TLK2: variants seen among roughly 807,000 people sequenced by gnomAD.
TLK2 encodes serine/threonine-protein kinase tousled-like 2.
Under a neutral mutation model 117.3 loss-of-function variants are expected in TLK2, and 6 were observed. The observed-to-expected ratio is 0.05, with a 90% confidence interval of 0.03 to 0.10. The LOEUF is 0.10. Among genes scored for constraint, TLK2 ranks in the 10% least tolerant of loss-of-function variants. The pLI, the probability that TLK2 is intolerant of heterozygous loss-of-function variation, is 1.00. For synonymous variants in TLK2, 257 were observed against 316.7 expected (o/e 0.81, Z 2.00); for missense variants, 299 against 901.2 (o/e 0.33, Z 8.56).
intron 2 of TLK2, among the ~76,000 whole-genome samples, chr17:62,498,773 G>A (rs920394859): frequency 1.3e-5 from 2 of 152,300 alleles, no homozygotes; most frequent in South Asian, 2.1e-4. Context: ...AATATTTTAT[G>A]TGGGGAAAAG....
intron 5 of TLK2, 77 bp downstream of exon 5, chr17:62,523,254 C>T: frequency 6.5e-7 from 1 of 1,538,956 alleles, no homozygotes; most frequent in African/African-American, 1.4e-5. Flanking sequence ...TTAAAAAACC[C>T]TAAATCCTTG....
At chr17:62,528,858 A>G (rs1307140644) in intron 6 of TLK2, among the ~76,000 whole-genome samples, 1 of 152,212 alleles carries the variant, frequency 6.6e-6, no homozygotes, top group Non-Finnish European at 1.5e-5. Context: ...AGTTAACTCT[A>G]TGTAATTGTT....
At chr17:62,608,486 G>A (rs2083474416) in intron 21 of TLK2, among the ~76,000 whole-genome samples, 1 of 152,044 alleles carries the variant, frequency 6.6e-6, no homozygotes, top group East Asian at 1.9e-4. Flanking sequence ...CTGTATTCAG[G>A]GATTATGATT....
At position 62,520,691 on chromosome 17, in the gene TLK2, A is replaced by AAAAAATC. The variant is rs936647843; in HGVS notation, c.82-80_82-74dup. The AAAAAATC allele has an allele frequency of 2.9e-6, 4 of 1,360,826 alleles. No homozygotes were observed. In the African/African-American group the frequency reaches 5.9e-5, roughly 20 times the overall value. 84.3% of individuals were successfully genotyped at this position (1,360,826 alleles called of 1,614,324 possible). On this transcript the variant is annotated intron_variant, in intron 2 of 21. Transcript: ENST00000346027. Reference sequence around the variant, plus strand: ...AAACTCTGTCTAAAAAAAAAAAAAAAAAAAATCATCAGGCTTCTTCTTCAG... The same window carrying AAAAAATC: ...AAACTCTGTCTAAAAAAAAAAAAAAAAAAAATCAAAAATCATCAGGCTTCTTCTTCAG...
chr17:62,493,070 C>G (rs538561127), intron 2 of TLK2, among the ~76,000 whole-genome samples: 2 of 152,218 alleles, frequency 1.3e-5, no homozygotes, highest in South Asian at 4.1e-4. Context: ...GCACTCCAGT[C>G]TAGTCGACAA....
intron 2 of TLK2, among the ~76,000 whole-genome samples, chr17:62,509,630 C>T (rs2074988235): frequency 6.6e-6 from 1 of 152,196 alleles, no homozygotes; most frequent in African/African-American, 2.4e-5. Context: ...AGAGTCAGTG[C>T]TGTGGTTTGA....
chr17:62,507,596 G>C (rs2074808721), intron 2 of TLK2: 1 of 152,126 alleles, frequency 6.6e-6, no homozygotes, highest in African/African-American at 2.4e-5. Flanking sequence ...TTTGTCTTCT[G>C]TTCTCAGTCC....
intron 2 of TLK2, among the ~76,000 whole-genome samples, chr17:62,484,628 C>T (rs573435443): frequency 8.2e-4 from 125 of 152,088 alleles, no homozygotes; most frequent in African/African-American, 2.8e-3. Flanking sequence ...AGTAAGACAT[C>T]GTACCTCTCA....
rs188420287 is a variant in TLK2, at chr17:62,601,826, C to A, written c.1721-216C>A. Among the ~76,000 whole-genome samples, 144 of 152,282 alleles carry A rather than the reference C, an allele frequency of 9.5e-4. 1 individual carries two copies. Among genetic ancestry groups the A allele is most frequent in the African/African-American group, 2.7e-3 (114 of 41,560 alleles). On this transcript the variant is annotated intron_variant, in intron 18 of 21. Transcript: ENST00000346027. ...GAGCTCATCATAGTGGTGGTTTTGG[C>A]ACATTAAGCAGGTGATTCTTGGAAA... is the stretch of plus-strand genomic sequence containing the variant.
intron 1 of TLK2, among the ~76,000 whole-genome samples, chr17:62,472,927 G>C (rs1399075559): frequency 1.3e-5 from 2 of 152,148 alleles, no homozygotes; most frequent in Non-Finnish European, 2.9e-5. Flanking sequence ...AGAAACAGTG[G>C]CTGTCCACAG....
intron 16 of TLK2, among the ~76,000 whole-genome samples, chr17:62,593,858 T>C (rs910849574): frequency 4.6e-5 from 7 of 150,752 alleles, no homozygotes; most frequent in Non-Finnish European, 8.9e-5. Context: ...AGTGGTGTTA[T>C]CTCAGCTTAC....
chr17:62,520,853 C>A lies in TLK2; in HGVS notation c.153+9C>A. The A allele has an allele frequency of 6.2e-7, 1 of 1,611,802 alleles. No individual in the cohort carries two copies. Among genetic ancestry groups the A allele is most frequent in the Non-Finnish European group, 8.5e-7 (1 of 1,178,586 alleles). ...GTGATAAAGAAGTAGAGGTAAGAAG[C>A]TATGTTCATGGCAGGACTTTTCATA... On this transcript the variant is annotated intron_variant, in intron 3 of 21. Coordinates refer to ENST00000346027, the MANE Select transcript of TLK2 (RefSeq NM_006852.6).
At chr17:62,610,120 C>A (rs919599562) in intron 21 of TLK2, among the ~76,000 whole-genome samples, 7 of 152,168 alleles carry the variant, frequency 4.6e-5, no homozygotes, top group African/African-American at 1.7e-4. Flanking sequence ...AAGACTATTT[C>A]TTTATATAAC....
At chr17:62,494,026 A>G (rs1321749122) in intron 2 of TLK2, among the ~76,000 whole-genome samples, 1 of 152,136 alleles carries the variant, frequency 6.6e-6, no homozygotes, top group Non-Finnish European at 1.5e-5. Flanking sequence ...TACTTTTAGA[A>G]TATCACACAT....
chr17:62,579,975 A>G (rs953605398), intron 14 of TLK2, 136 bp from the exon 15 acceptor site: 11 of 620,146 alleles, frequency 1.8e-5, no homozygotes, highest in Non-Finnish European at 1.4e-5. Flanking sequence ...AGTATTTGCC[A>G]TGTTGATGTT....
At chr17:62,558,241 C>G (rs2079007038) in intron 9 of TLK2, among the ~76,000 whole-genome samples, 1 of 151,894 alleles carries the variant, frequency 6.6e-6, no homozygotes, top group Non-Finnish European at 1.5e-5. Flanking sequence ...GCAATCACAG[C>G]TCACTGCAGC....
chr17:62,608,756 G>C (rs2083502402), intron 21 of TLK2, among the ~76,000 whole-genome samples: 1 of 152,134 alleles, frequency 6.6e-6, no homozygotes, highest in Non-Finnish European at 1.5e-5. Context: ...TGAGATTTGA[G>C]TGGGGACACA....
At chr17:62,535,345 C>G (rs1473809467) in intron 6 of TLK2, among the ~76,000 whole-genome samples, 1 of 152,076 alleles carries the variant, frequency 6.6e-6, no homozygotes, top group Non-Finnish European at 1.5e-5. Context: ...GTGAGTTATG[C>G]GTAATTGTGA....
At chr17:62,574,086 A>G (rs1266610685) in intron 12 of TLK2, among the ~76,000 whole-genome samples, 2 of 152,232 alleles carry the variant, frequency 1.3e-5, no homozygotes, top group Non-Finnish European at 2.9e-5. Context: ...AAAGATATAT[A>G]ACTTATCAAC....
Sources: gnomAD v4.1 joint callset for allele counts (sites outside exome capture counted in the v4.1 genomes callset) on GRCh38, gnomAD v4.1.1 for gene constraint, MANE v1.5 for transcripts, NCBI Gene and HGNC (gene_info 2026-07-23, HGNC 2026-07-21) for gene names.